LTA4H: variants seen among roughly 807,000 people sequenced by gnomAD.
The protein encoded by LTA4H is leukotriene A4 hydrolase.
LTA4H carries 59 observed loss-of-function variants against 89.8 expected under a neutral mutation model. The ratio of observed to expected loss-of-function variants is 0.66; its 90% CI spans 0.53 to 0.82. The LOEUF (loss-of-function observed/expected upper bound fraction) is 0.82, where lower values mean the gene tolerates loss of function less well. Ranked by LOEUF, LTA4H falls within the 40% of genes least tolerant of loss-of-function variation. LTA4H has a pLI of 0.00. For missense variants in LTA4H, 617 were observed against 727.0 expected, an observed-to-expected ratio of 0.85 and a Z score of 1.74; for synonymous variants, 227 against 253.1, an observed-to-expected ratio of 0.90 and a Z score of 0.98.
chr12:96,038,417 TG>T (rs1475397329), upstream of LTA4H, among the ~76,000 whole-genome samples: 1 of 152,196 alleles, frequency 6.6e-6, no homozygotes, highest in African/African-American at 2.4e-5. Flanking sequence ...GCAAATGTCC[TG>T]TTGCCCAGGC....
intron 9 of LTA4H, 22 bp downstream of exon 9, chr12:96,017,535 A>G (rs761474624): frequency 2.5e-6 from 4 of 1,600,468 alleles, no homozygotes; most frequent in East Asian, 2.2e-5. Flanking sequence ...AGGTAAGGCC[A>G]TAATGAAAAA....
chr12:96,015,736 G>A (rs748375108), intron 10 of LTA4H, 42 bp from the exon 11 acceptor site: 8 of 1,217,832 alleles, frequency 6.6e-6, no homozygotes, highest in Non-Finnish European at 9.7e-6. Flanking sequence ...ACACAGCTGA[G>A]AAGAAAAGAC....
At chr12:96,036,100 A>G (rs527942255), upstream of LTA4H, among the ~76,000 whole-genome samples, 48 of 149,920 alleles carry the variant, frequency 3.2e-4, 1 homozygote, top group East Asian at 8.1e-3. Context: ...GAGGCACAGT[A>G]ATTGTTTTTT....
chr12:96,000,974 T>G lies in LTA4H; in HGVS notation c.*15A>C, dbSNP rs1311719252. 5.4e-6 allele frequency: 8 copies of G among 1,478,522 alleles called. No homozygotes were observed. The highest frequency in any genetic ancestry group is 7.6e-6 in the Non-Finnish European group (8 of 1,056,484). 91.6% of individuals were successfully genotyped at this position (1,478,522 alleles called of 1,614,324 possible). ...TAAAAAAGAGAAATCTCTAAAATCA[T>G]CAATACGCAGGTCTTTAATCCACTT... On this transcript the variant is annotated 3_prime_UTR_variant, in exon 19 of 19. Coordinates refer to ENST00000228740, the MANE Select transcript of LTA4H (RefSeq NM_000895.3).
At chr12:96,023,483 T>C (rs1231264419) in intron 4 of LTA4H, among the ~76,000 whole-genome samples, 2 of 152,066 alleles carry the variant, frequency 1.3e-5, no homozygotes, top group Non-Finnish European at 2.9e-5. Context: ...CCCAAGTAGT[T>C]GGGACTTCAC....
chr12:96,037,707 T>G (rs1246670895), upstream of LTA4H, among the ~76,000 whole-genome samples: 1 of 150,278 alleles, frequency 6.7e-6, no homozygotes, highest in Non-Finnish European at 1.5e-5. Flanking sequence ...TTTTTTTTTT[T>G]TTTTGAGACG....
chr12:96,040,350 T>C (rs2540483), upstream of LTA4H, among the ~76,000 whole-genome samples: 117,178 of 152,094 alleles, frequency 0.77, 45,865 homozygotes, highest in African/African-American at 0.87. Flanking sequence ...TTAGTTGTCT[T>C]CTAATACCTA....
chr12:96,019,741 G>A (rs918603266), intron 6 of LTA4H, among the ~76,000 whole-genome samples: 31 of 151,072 alleles, frequency 2.1e-4, no homozygotes, highest in South Asian at 1.3e-3. Context: ...ACAGGTGCCC[G>A]CCACCACGCC....
intron 17 of LTA4H, among the ~76,000 whole-genome samples, chr12:96,003,335 A>C (rs944330520): frequency 2.6e-5 from 4 of 152,072 alleles, no homozygotes; most frequent in African/African-American, 7.2e-5. Context: ...ATACCTTATA[A>C]ATCCAATTTC....
intron 6 of LTA4H, 24 bp downstream of exon 6, chr12:96,021,061 C>A: frequency 6.3e-7 from 1 of 1,595,734 alleles, no homozygotes; most frequent in Non-Finnish European, 8.5e-7. Flanking sequence ...TTCCACAAAC[C>A]TGAAAATTTT....
intron 1 of LTA4H, among the ~76,000 whole-genome samples, chr12:96,041,402 A>G (rs1239720746): frequency 6.6e-6 from 1 of 152,150 alleles, no homozygotes; most frequent in African/African-American, 2.4e-5. Context: ...TTTAAACAGA[A>G]TGGTTTCCTC....
In LTA4H at chr12:96,021,129, T is replaced by C. The variant is rs1950447582; in HGVS notation, c.594A>G (p.Ile198Met). 1 of 1,596,038 alleles carries C rather than the reference T, an allele frequency of 6.3e-7. No homozygotes were observed. The highest frequency in any genetic ancestry group is 1.4e-5 in the African/African-American group (1 of 73,570). The change falls in exon 6 of 19, where the codon ATA becomes ATG. Residue 198 changes from isoleucine to methionine, a missense_variant. Coordinates refer to ENST00000228740, the MANE Select transcript of LTA4H (RefSeq NM_000895.3). ...KIYKFIQKVPIPCYLIALVVG... is the reference protein window; with the variant it reads ...KIYKFIQKVPMPCYLIALVVG... ...CAACTAAAGCAATCAGGTAGCAGGGTATTGGAACCTAAAGAGGGCAAACAA... is the reference window on the plus strand; with the variant it reads ...CAACTAAAGCAATCAGGTAGCAGGGCATTGGAACCTAAAGAGGGCAAACAA...
rs148235264 is a variant in LTA4H, at chr12:96,013,825, A to G, written c.1233T>C (p.Tyr411=). Residue 411 remains tyrosine, a synonymous_variant, in exon 13 of 19, where the codon TAT becomes TAC. Transcript: ENST00000228740. ...TGCTCTTATAGGAAAACTTCTCAAC[A>G]TAAGCTTTTAAGAATCCTAGGAAAA... is the stretch of plus-strand genomic sequence containing the variant. ...PEIFLGFLKA[Y]VEKFSYKSIT... 36 of 1,559,912 alleles carry G rather than the reference A, an allele frequency of 2.3e-5. No individual in the cohort carries two copies. The highest frequency in any genetic ancestry group is 2.9e-5 in the Non-Finnish European group (33 of 1,140,038).
chr12:96,042,597 G>A (rs973238260), intron 1 of LTA4H, among the ~76,000 whole-genome samples: 8 of 152,082 alleles, frequency 5.3e-5, no homozygotes, highest in Non-Finnish European at 1.0e-4. Flanking sequence ...AGTTATAGAC[G>A]GAAAGAAGTT....
chr12:96,024,468 G>C lies in LTA4H; in HGVS notation c.480+11C>G. ...CATCATTTAATTGAGTTAATAATTC[G>C]TAATATTTACCTCTGCAGTATAGGT... is the stretch of plus-strand genomic sequence containing the variant. On this transcript the variant is annotated intron_variant, in intron 4 of 18. Transcript: ENST00000228740. The C allele has an allele frequency of 1.3e-6, 2 of 1,538,118 alleles. No homozygotes were observed. The highest frequency in any genetic ancestry group is 9.0e-7 in the Non-Finnish European group (1 of 1,113,158).
intron 1 of LTA4H, among the ~76,000 whole-genome samples, chr12:96,032,454 G>T (rs1360603072): frequency 6.6e-6 from 1 of 152,146 alleles, no homozygotes; most frequent in Non-Finnish European, 1.5e-5. Context: ...TCAAACTTTT[G>T]AATGTCCTCT....
At chr12:96,016,896 T>C (rs1429465890) in intron 10 of LTA4H, 148 bp downstream of exon 10, 2 of 624,584 alleles carry the variant, frequency 3.2e-6, no homozygotes, top group East Asian at 5.4e-5. Context: ...TGAGACTCCA[T>C]GTCAAAAAAA....
At chr12:96,042,239 G>A (rs1049760875) in intron 1 of LTA4H, among the ~76,000 whole-genome samples, 8 of 152,090 alleles carry the variant, frequency 5.3e-5, no homozygotes, top group Non-Finnish European at 1.2e-4. Flanking sequence ...CTGAGCTCAA[G>A]CAATGTGCCC....
At chr12:96,038,226 A>G (rs918044151), upstream of LTA4H, among the ~76,000 whole-genome samples, 3 of 152,194 alleles carry the variant, frequency 2.0e-5, no homozygotes, top group African/African-American at 7.2e-5. Context: ...TAGCTCCAGC[A>G]ACAACAACAA....
Sources: gnomAD v4.1 joint callset for allele counts (sites outside exome capture counted in the v4.1 genomes callset) on GRCh38, gnomAD v4.1.1 for gene constraint, MANE v1.5 for transcripts, NCBI Gene and HGNC (gene_info 2026-07-23, HGNC 2026-07-21) for gene names.